DZIP1: variants seen among roughly 807,000 people sequenced by gnomAD.
DZIP1 encodes the protein cilium assembly protein DZIP1.
In DZIP1, 97 loss-of-function variants were observed where a neutral mutation model predicts 107.6. The ratio of observed to expected loss-of-function variants is 0.90; its 90% CI spans 0.77 to 1.07. The LOEUF (loss-of-function observed/expected upper bound fraction) is 1.07. Among genes scored for constraint, DZIP1 ranks in the 50% least tolerant of loss-of-function variants. The pLI, the probability that DZIP1 is intolerant of heterozygous loss-of-function variation, is 0.00. For missense variants in DZIP1, 1,035 were observed against 1,063.6 expected (o/e 0.97, Z 0.37); for synonymous variants, 390 against 386.4 (o/e 1.01, Z -0.11).
rs760559550 is a variant in DZIP1 at position 95,582,285 on chromosome 13, T to C, written c.2553A>G (p.Leu851=). Residue 851 remains leucine (L), a synonymous_variant, in exon 23 of 23, where the codon TTA becomes TTG. Coordinates refer to ENST00000376829, the MANE Select transcript of DZIP1 (RefSeq NM_198968.4). ...EGLQENESST[L]KSSLVTVTDW... The stretch of plus-strand genomic sequence containing the variant: ...CAGTCACAGTTACTAAGCTGCTTTT[T>C]AATGTGCTTGATTCATTTTCTTGAA... 21 of 1,614,100 alleles carry C rather than the reference T, an allele frequency of 1.3e-5. No homozygotes were observed. Among genetic ancestry groups the C allele is most frequent in the Non-Finnish European group, 1.7e-5 (20 of 1,180,034 alleles).
chr13:95,635,316 C>A (rs1877674354), intron 5 of DZIP1, among the ~76,000 whole-genome samples: 1 of 151,662 alleles, frequency 6.6e-6, no homozygotes. Context: ...CCTGCCACAG[C>A]CTCCTGAGTA....
At chr13:95,616,543 A>G (rs1242852320) in intron 10 of DZIP1, among the ~76,000 whole-genome samples, 1 of 152,216 alleles carries the variant, frequency 6.6e-6, no homozygotes, top group African/African-American at 2.4e-5. Flanking sequence ...GACAATAAAC[A>G]AGGAAACAAA....
In DZIP1 at chr13:95,616,946, G is replaced by A. The variant is rs149214882; in HGVS notation, c.1173+2939C>T. ...TTCCAGGCCAGGCATGGTGGCTCAC[G>A]CCTGTAATCCTTGCACTTTGGGAGG... is the stretch of plus-strand genomic sequence containing the variant. On this transcript the variant is annotated intron_variant, in intron 10 of 22. Transcript: ENST00000376829. Among the ~76,000 whole-genome samples the A allele has an allele frequency of 2.2e-3, 339 of 152,212 alleles. 3 individuals are homozygous for A. The highest frequency in any genetic ancestry group is 7.5e-3 in the African/African-American group (313 of 41,534).
At chr13:95,599,518 G>T in intron 14 of DZIP1, 94 bp from the exon 15 acceptor site, 1 of 1,148,830 alleles carries the variant, frequency 8.7e-7, no homozygotes. Flanking sequence ...ATCATTCCAT[G>T]GTATTTTAGT....
rs1377848649 is a variant in DZIP1 at position 95,643,642 on chromosome 13, A to T, written c.-469T>A. ...TTCTGGACTCCATCCACTGGGCTGC[A>T]GGATCAGCGGGAACAAGAGCTGTGG... is the stretch of plus-strand genomic sequence containing the variant. On this transcript the variant is annotated 5_prime_UTR_variant, in exon 2 of 23. Coordinates refer to ENST00000376829, the MANE Select transcript of DZIP1 (RefSeq NM_198968.4). 6.5e-6 allele frequency: 1 copy of T among 152,742 alleles called. No individual in the cohort carries two copies. The highest frequency in any genetic ancestry group is 1.5e-5 in the Non-Finnish European group (1 of 68,108). The allele number at this position is 152,742 out of a possible 1,614,324, so 9.5% of individuals were successfully genotyped here.
Position 95,633,297 on chromosome 13 carries a change from T to G in DZIP1, c.622A>C (p.Met208Leu). Residue 208 changes from methionine to leucine, a missense_variant, in exon 6 of 23, where the codon ATG becomes CTG. Coordinates refer to ENST00000376829, the MANE Select transcript of DZIP1 (RefSeq NM_198968.4). ...YQCHFCDKAFMNQAFLQSHIQ... is the reference protein window; with the variant it reads ...YQCHFCDKAFLNQAFLQSHIQ... Reference sequence around the variant, plus strand: ...TGACTTTGTAGAAAAGCTTGGTTCATAAAGGCCTTGTCACAAAAATGGCAC... The same window carrying G: ...TGACTTTGTAGAAAAGCTTGGTTCAGAAAGGCCTTGTCACAAAAATGGCAC... 6.2e-7 allele frequency: 1 copy of G among 1,614,194 alleles called. No homozygotes were observed. Among genetic ancestry groups the G allele is most frequent in the East Asian group, 2.2e-5 (1 of 44,884 alleles).
chr13:95,613,544 G>T (rs532633001), intron 10 of DZIP1, among the ~76,000 whole-genome samples: 1 of 151,814 alleles, frequency 6.6e-6, no homozygotes, highest in South Asian at 2.1e-4. Flanking sequence ...TTGGGGTGAA[G>T]AACATTCCAA....
chr13:95,639,089 GCA>G (rs1245016960), intron 5 of DZIP1, among the ~76,000 whole-genome samples: 1 of 152,118 alleles, frequency 6.6e-6, no homozygotes, highest in Non-Finnish European at 1.5e-5. Context: ...ACTGCTCTAA[GCA>G]CAGTCTATGC....
rs553335917 is a variant in DZIP1, at chr13:95,641,276, C to G, written c.597+19G>C. 1.3e-6 allele frequency: 2 copies of G among 1,556,172 alleles called. No homozygotes were observed. The highest frequency in any genetic ancestry group is 2.4e-5 in the South Asian group (2 of 82,714). ...GTTGTTTACTGGATTATGAATCGTGCTCACACACAGCTGCCCACCTGGTAA... is the reference window on the plus strand; with the variant it reads ...GTTGTTTACTGGATTATGAATCGTGGTCACACACAGCTGCCCACCTGGTAA... On this transcript the variant is annotated intron_variant, in intron 5 of 22. Transcript: ENST00000376829. The surrounding 1 kb of genome is among the most constrained non-coding windows in gnomAD (Gnocchi z 4.3).
At chr13:95,604,696 G>T (rs1254177160) in intron 14 of DZIP1, among the ~76,000 whole-genome samples, 2 of 152,146 alleles carry the variant, frequency 1.3e-5, no homozygotes, top group Non-Finnish European at 2.9e-5. Flanking sequence ...AAAGAAACTA[G>T]GAACCTTGTG....
In DZIP1 at chr13:95,595,822, C is replaced by A. The variant is rs150170770; in HGVS notation, c.1538-1736G>T. Among the ~76,000 whole-genome samples the A allele has an allele frequency of 8.2e-3, 1,245 of 152,288 alleles. 16 individuals are homozygous for A. The highest frequency in any genetic ancestry group is 0.028 in the African/African-American group (1,175 of 41,558). Reference sequence around the variant, plus strand: ...AAAGAGGCTCTGGGCCCTGTTTTCTCTGGGACTTGGGGCCACATACAGGGG... The same window carrying A: ...AAAGAGGCTCTGGGCCCTGTTTTCTATGGGACTTGGGGCCACATACAGGGG... On this transcript the variant is annotated intron_variant, in intron 15 of 22. Coordinates refer to ENST00000376829, the MANE Select transcript of DZIP1 (RefSeq NM_198968.4).
At chr13:95,600,324 CCAGCTCTCCA>C (rs2044575893) in intron 14 of DZIP1, among the ~76,000 whole-genome samples, 1 of 152,134 alleles carries the variant, frequency 6.6e-6, no homozygotes, top group African/African-American at 2.4e-5. Flanking sequence ...CTTCCCCCCA[CCAGCTCTCCA>C]CTTTTACCTC....
intron 5 of DZIP1, among the ~76,000 whole-genome samples, chr13:95,636,062 A>C (rs904072430): frequency 2.6e-5 from 4 of 152,172 alleles, no homozygotes; most frequent in Non-Finnish European, 5.9e-5. Context: ...CAGGGGATCT[A>C]TAAATTAAGA....
chr13:95,595,218 C>G (rs1304901343), intron 15 of DZIP1, among the ~76,000 whole-genome samples: 1 of 152,206 alleles, frequency 6.6e-6, no homozygotes, highest in Non-Finnish European at 1.5e-5. Flanking sequence ...ACCCATACTA[C>G]TTGGATTTGC....
chr13:95,616,206 CGTCCTAA>C (rs1405892960), intron 10 of DZIP1, among the ~76,000 whole-genome samples: 1 of 152,168 alleles, frequency 6.6e-6, no homozygotes, highest in Non-Finnish European at 1.5e-5. Context: ...TGAACGCCAT[CGTCCTAA>C]CTACATAGTC....
At chr13:95,596,542 C>T (rs193081817) in intron 15 of DZIP1, among the ~76,000 whole-genome samples, 12 of 152,296 alleles carry the variant, frequency 7.9e-5, no homozygotes, top group East Asian at 5.8e-4. Flanking sequence ...CCTGTAGAGG[C>T]CACATCAGCT....
intron 22 of DZIP1, 114 bp downstream of exon 22, chr13:95,584,622 G>T: frequency 6.8e-7 from 1 of 1,469,406 alleles, no homozygotes. Context: ...AGAAAGCACT[G>T]ACAGCTTTTT....
chr13:95,589,853 T>C lies in DZIP1; in HGVS notation c.1923A>G (p.Arg641=). ...PKMIQLPSKN[R]QLIRQKAVST... ...AAACAGCTTTTTGTCTAATCAGTTG[T>C]CTGTTTTTGGAAGGAAGTTGTATCA... The change falls in exon 18 of 23, where the codon AGA becomes AGG. Residue 641 remains arginine, a synonymous_variant. Transcript: ENST00000376829. The C allele has an allele frequency of 6.2e-7, 1 of 1,614,216 alleles. No homozygotes were observed. The highest frequency in any genetic ancestry group is 8.5e-7 in the Non-Finnish European group (1 of 1,180,034).
chr13:95,586,094 A>G lies in DZIP1; in HGVS notation c.2261T>C (p.Phe754Ser). 6.2e-7 allele frequency: 1 copy of G among 1,612,274 alleles called. No individual in the cohort carries two copies. The highest frequency in any genetic ancestry group is 8.5e-7 in the Non-Finnish European group (1 of 1,179,432). The change falls in exon 21 of 23, where the codon TTT (phenylalanine) becomes TCT (serine). Residue 754 changes from phenylalanine (F) to serine (S), a missense_variant. Transcript: ENST00000376829. ...KTPTEKVEKM[F>S]PHRKNVNKPV... ...TTTGTTCACATTTTTGCGATGTGGA[A>G]ACATCTTTTCAACTTTTTCAGTAGG...
Sources: allele counts gnomAD v4.1 joint callset (sites outside exome capture counted in the v4.1 genomes callset), GRCh38; gene constraint gnomAD v4.1.1; non-coding constraint Gnocchi (gnomAD v3.1); transcripts MANE v1.5; gene names NCBI Gene and HGNC (gene_info 2026-07-23, HGNC 2026-07-21).